Variants in KCNMA1 observed in about 807,000 individuals in gnomAD.
KCNMA1 encodes the protein potassium calcium-activated channel subfamily M alpha 1, also known as Calcium-activated potassium channel subunit alpha-1.
In KCNMA1, 29 loss-of-function variants were observed where a neutral mutation model predicts 140.0. The ratio of observed to expected loss-of-function variants is 0.21; its 90% confidence interval spans 0.15 to 0.28. The LOEUF is 0.28. Among genes scored for constraint, KCNMA1 ranks in the 10% least tolerant of loss-of-function variants. The pLI, the probability that KCNMA1 is intolerant of heterozygous loss-of-function variation, is 1.00. For synonymous variants in KCNMA1, 612 were observed against 611.9 expected (o/e 1.00, Z 0.00); for missense variants, 880 against 1,602.2 (o/e 0.55, Z 7.70).
chr10:77,185,394 C>A (rs929237580), intron 3 of KCNMA1, among the ~76,000 whole-genome samples: 2 of 151,944 alleles, frequency 1.3e-5, no homozygotes, highest in Non-Finnish European at 2.9e-5. Context: ...TGTTTTGGAC[C>A]TTTTAAAAAC....
chr10:77,124,085 A>C (rs528891997), intron 5 of KCNMA1, among the ~76,000 whole-genome samples: 110 of 152,360 alleles, frequency 7.2e-4, no homozygotes, highest in African/African-American at 2.5e-3. Context: ...CAGGAAGCAA[A>C]ACCATAGATA....
chr10:77,371,050 T>C (rs982430145), intron 2 of KCNMA1, among the ~76,000 whole-genome samples: 1 of 152,184 alleles, frequency 6.6e-6, no homozygotes, highest in Admixed American at 6.5e-5. Flanking sequence ...ACAGGTTAAA[T>C]CCCCTTCCTC....
chr10:76,978,758 G>C (rs1456594317), intron 19 of KCNMA1, among the ~76,000 whole-genome samples: 1 of 152,088 alleles, frequency 6.6e-6, no homozygotes. Flanking sequence ...ACCAAACACT[G>C]CTCCTGGCAC....
chr10:76,929,159 G>A (rs539391459), intron 23 of KCNMA1, among the ~76,000 whole-genome samples: 215 of 152,196 alleles, frequency 1.4e-3, no homozygotes, highest in Admixed American at 4.1e-3. Flanking sequence ...ATATGGAATA[G>A]ACCCATATAA....
At chr10:77,014,370 G>A (rs1456746822) in intron 17 of KCNMA1, among the ~76,000 whole-genome samples, 1 of 151,164 alleles carries the variant, frequency 6.6e-6, no homozygotes, top group African/African-American at 2.4e-5. Flanking sequence ...AGGTTGCAGT[G>A]AGCCGAGATT....
chr10:77,460,163 T>C (rs1249170867), intron 1 of KCNMA1, among the ~76,000 whole-genome samples: 1 of 152,224 alleles, frequency 6.6e-6, no homozygotes, highest in Non-Finnish European at 1.5e-5. Context: ...TACTAACCCC[T>C]ATCTTAGAAT....
At chr10:77,240,395 C>T (rs1341472401) in intron 3 of KCNMA1, among the ~76,000 whole-genome samples, 1 of 152,066 alleles carries the variant, frequency 6.6e-6, no homozygotes. Flanking sequence ...GCAAACGACC[C>T]GGGGCACCCT....
intron 11 of KCNMA1, among the ~76,000 whole-genome samples, chr10:77,085,408 T>C (rs1302682148): frequency 6.6e-6 from 1 of 152,234 alleles, no homozygotes; most frequent in Admixed American, 6.5e-5. Flanking sequence ...GAGTTTGATG[T>C]GCTAATGATT....
At chr10:77,121,231 G>C (rs2097584625) in intron 5 of KCNMA1, among the ~76,000 whole-genome samples, 183 bp from the exon 6 acceptor site, 1 of 152,178 alleles carries the variant, frequency 6.6e-6, no homozygotes, top group Admixed American at 6.5e-5. Context: ...ATCTCGACTG[G>C]GAAATGGACT....
At chr10:76,900,460 G>A (rs80014203) in intron 25 of KCNMA1, among the ~76,000 whole-genome samples, 1 of 151,760 alleles carries the variant, frequency 6.6e-6, no homozygotes, top group African/African-American at 2.4e-5. Flanking sequence ...AGAATTTGGG[G>A]TTTTTTTCCT....
At chr10:77,050,606 T>C (rs2095325974) in intron 14 of KCNMA1, among the ~76,000 whole-genome samples, 1 of 152,218 alleles carries the variant, frequency 6.6e-6, no homozygotes, top group Non-Finnish European at 1.5e-5. Flanking sequence ...AAATCCAGTT[T>C]CTCATGCCTT....
intron 14 of KCNMA1, among the ~76,000 whole-genome samples, chr10:77,048,723 C>T (rs542891073): frequency 1.3e-5 from 2 of 152,256 alleles, no homozygotes; most frequent in African/African-American, 2.4e-5. Flanking sequence ...GAGTATTTAA[C>T]ATGTTAAGAG....
intron 1 of KCNMA1, among the ~76,000 whole-genome samples, chr10:77,578,990 C>T (rs927102541): frequency 7.2e-5 from 11 of 152,200 alleles, no homozygotes; most frequent in Admixed American, 7.2e-4. Context: ...CTGTGCTGAG[C>T]GCCCAGCTGC....
chr10:77,286,752 T>G (rs1453438584), intron 2 of KCNMA1, among the ~76,000 whole-genome samples: 3 of 12,544 alleles, frequency 2.4e-4, no homozygotes, highest in South Asian at 2.5e-3. Context: ...CTAGGGACGG[T>G]GTGTGTGTGT....
chr10:77,527,051 A>G (rs1050761752), intron 1 of KCNMA1, among the ~76,000 whole-genome samples: 68 of 152,370 alleles, frequency 4.5e-4, no homozygotes, highest in African/African-American at 1.6e-3. Context: ...ATGCCGACAC[A>G]TACTTCTGGG....
intron 15 of KCNMA1, 110 bp downstream of exon 15, chr10:77,039,418 G>T (rs563926551): frequency 2.7e-6 from 2 of 741,216 alleles, no homozygotes; most frequent in Non-Finnish European, 5.0e-6. Flanking sequence ...GGATACCCTC[G>T]GCAATTGTCA....
At chr10:76,995,722 A>G (rs73288591) in intron 19 of KCNMA1, 1 of 469,438 alleles carries the variant, frequency 2.1e-6, no homozygotes, top group East Asian at 7.0e-5. Flanking sequence ...TCCTGAAATA[A>G]AAAAGCAAAC....
At chr10:76,970,681 GC>G (rs2075824117) in intron 19 of KCNMA1, 1 of 154,496 alleles carries the variant, frequency 6.5e-6, no homozygotes, top group African/African-American at 2.4e-5. Context: ...CCCTCCAACT[GC>G]CAGGAGGGAG....
At chr10:77,506,628 G>GGAGA (rs2046074243) in intron 1 of KCNMA1, among the ~76,000 whole-genome samples, 1 of 44,846 alleles carries the variant, frequency 2.2e-5, no homozygotes, top group Non-Finnish European at 4.0e-5. Context: ...TGTTAGAGAG[G>GGAGA]GAGAGAGACA....
Sources: gnomAD v4.1 joint callset for allele counts (sites outside exome capture counted in the v4.1 genomes callset) on GRCh38, gnomAD v4.1.1 for gene constraint, MANE v1.5 for transcripts, NCBI Gene and HGNC (gene_info 2026-07-23, HGNC 2026-07-21) for gene names.